B3GNT6: variants seen among roughly 807,000 people sequenced by gnomAD.
B3GNT6 encodes the protein UDP-GlcNAc:betaGal beta-1,3-N-acetylglucosaminyltransferase 6.
For synonymous variants in B3GNT6, 300 were observed against 270.0 expected (o/e 1.11, Z -1.09); for missense variants, 624 against 568.6 (o/e 1.10, Z -0.99).
chr11:77,039,440 G>A, intron 1 of B3GNT6, 112 bp from the exon 2 acceptor site: 4 of 1,492,360 alleles, frequency 2.7e-6, no homozygotes, highest in Non-Finnish European at 3.6e-6. Flanking sequence ...TAACAGCAGA[G>A]TTGAGAAGGG....
At chr11:77,036,344 A>T (rs1591088639) in intron 1 of B3GNT6, among the ~76,000 whole-genome samples, 1 of 152,302 alleles carries the variant, frequency 6.6e-6, no homozygotes, top group East Asian at 1.9e-4. Context: ...GCACTCAGTG[A>T]TTACATCCAC....
Position 77,041,228 on chromosome 11 carries a change from C to G in B3GNT6, c.*522C>G, listed in dbSNP as rs1555027985. Reference sequence around the variant, plus strand: ...CAGGTGGATCCCGCTTCCCCCTCCCCCAAGAAGTCAGCCAACACGCAGCTG... The same window carrying G: ...CAGGTGGATCCCGCTTCCCCCTCCCGCAAGAAGTCAGCCAACACGCAGCTG... On this transcript the variant is annotated 3_prime_UTR_variant, in exon 2 of 2. Coordinates refer to ENST00000622824, the MANE Select transcript of B3GNT6 (RefSeq NM_138706.5). 3.2e-5 allele frequency: 5 copies of G among 153,916 alleles called. No homozygotes were observed. The allele number at this position is 153,916 out of a possible 1,614,324, so 9.5% of individuals were successfully genotyped here. A position where few individuals can be genotyped will look rare whatever the true frequency, so the allele number is the denominator to read the frequency against.
chr11:77,040,551 G>A lies in B3GNT6; in HGVS notation c.1000G>A (p.Val334Met), dbSNP rs782486897. 1.3e-6 allele frequency: 2 copies of A among 1,579,658 alleles called. No individual in the cohort carries two copies. Among genetic ancestry groups the A allele is most frequent in the Admixed American group, 1.7e-5 (1 of 57,468 alleles). Reference protein sequence around the residue: ...SGHEGIRPFGVQLPGAQQSSF... With the variant: ...SGHEGIRPFGMQLPGAQQSSF... Reference sequence around the variant, plus strand: ...CCACGAGGGCATCCGACCCTTCGGCGTGCAGCTGCCTGGCGCACAGCAGTC... The same window carrying A: ...CCACGAGGGCATCCGACCCTTCGGCATGCAGCTGCCTGGCGCACAGCAGTC... Residue 334 changes from valine (V) to methionine (M), a missense_variant, in exon 2 of 2, where the codon GTG (valine) becomes ATG (methionine). Physicochemically the swap from Val to Met is conservative, Grantham distance 21. Coordinates refer to ENST00000622824, the MANE Select transcript of B3GNT6 (RefSeq NM_138706.5).
rs112854071 is a variant in B3GNT6, at chr11:77,040,101, G to A, written c.550G>A (p.Asp184Asn). ...LVALEAREHG[D>N]VLQWAFADTF... ...GGCGCTGGAGGCGCGCGAGCACGGC[G>A]ACGTGCTGCAGTGGGCCTTCGCGGA... Residue 184 changes from aspartate (D) to asparagine (N), a missense_variant, in exon 2 of 2, where the codon GAC becomes AAC. Coordinates refer to ENST00000622824, the MANE Select transcript of B3GNT6 (RefSeq NM_138706.5). 4 of 1,595,086 alleles carry A rather than the reference G, an allele frequency of 2.5e-6. No individual in the cohort carries two copies. In the Admixed American group the frequency reaches 5.0e-5, roughly 20 times the overall value.
Position 77,040,499 on chromosome 11 carries a change from G to T in B3GNT6, c.948G>T (p.Leu316=). ...ACGACGCCTACATGGGCATGTGTCT[G>T]GAGCGCGCCGGCCTGGCGCCCAGCG... The part of the protein sequence containing the change: ...PIDDAYMGMC[L]ERAGLAPSGH... Residue 316 remains leucine, a synonymous_variant, in exon 2 of 2, where the codon CTG becomes CTT. Transcript: ENST00000622824. 1 of 1,542,944 alleles carries T rather than the reference G, an allele frequency of 6.5e-7. No individual in the cohort carries two copies.
rs1424337717 is a variant in B3GNT6, at chr11:77,040,230, G to C, written c.679G>C (p.Val227Leu). The C allele has an allele frequency of 1.7e-5, 27 of 1,599,040 alleles. No individual in the cohort carries two copies. Among genetic ancestry groups the C allele is most frequent in the Non-Finnish European group, 2.3e-5 (27 of 1,179,446 alleles). ...GCTCAGCGGCGACGACGACGTGTTC[G>C]TGCACACCGCCAACGTAGTCCGCTT... ...FLLSGDDDVF[V>L]HTANVVRFLQ... The change falls in exon 2 of 2, where the codon GTG (valine) becomes CTG (leucine). Residue 227 changes from valine to leucine, a missense_variant. Physicochemically the swap from Val to Leu is conservative, Grantham distance 32 (BLOSUM62 1). Coordinates refer to ENST00000622824, the MANE Select transcript of B3GNT6 (RefSeq NM_138706.5).
rs1195178299 is a variant in B3GNT6 at position 77,039,964 on chromosome 11, G to A, written c.413G>A (p.Arg138His). The change falls in exon 2 of 2, where the codon CGC (arginine) becomes CAC (histidine). Residue 138 changes from arginine to histidine, a missense_variant. Coordinates refer to ENST00000622824, the MANE Select transcript of B3GNT6 (RefSeq NM_138706.5). ...EHYERRELIR[R>H]TWGQERSYGG... ...TACGAGCGACGCGAGCTCATCCGGC[G>A]CACGTGGGGGCAAGAGCGCAGCTAC... is the stretch of plus-strand genomic sequence containing the variant. 1 of 1,590,142 alleles carries A rather than the reference G, an allele frequency of 6.3e-7. No homozygotes were observed. Among genetic ancestry groups the A allele is most frequent in the Non-Finnish European group, 8.5e-7 (1 of 1,175,960 alleles).
intron 1 of B3GNT6, among the ~76,000 whole-genome samples, chr11:77,035,856 GT>G (rs1949629529): frequency 1.3e-5 from 2 of 152,142 alleles, no homozygotes; most frequent in Non-Finnish European, 1.5e-5. Flanking sequence ...TCTTCTATCC[GT>G]TTTATCAGAG....
chr11:77,034,658 TG>T (rs1434246600), intron 1 of B3GNT6, among the ~76,000 whole-genome samples, 180 bp downstream of exon 1: 21 of 152,272 alleles, frequency 1.4e-4, no homozygotes, highest in African/African-American at 5.1e-4. Context: ...GGATTCATGC[TG>T]GGGGTTGGGG....
intron 1 of B3GNT6, among the ~76,000 whole-genome samples, chr11:77,037,468 T>C (rs1591089208): frequency 6.6e-6 from 1 of 152,016 alleles, no homozygotes; most frequent in East Asian, 1.9e-4. Flanking sequence ...AAGGTGGCTG[T>C]GGACAGCCAT....
Position 77,041,201 on chromosome 11 carries a change from A to G in B3GNT6, c.*495A>G, listed in dbSNP as rs7950506. The G allele has an allele frequency of 0.76, 117,146 of 154,582 alleles. 45,072 individuals carry two copies. Among genetic ancestry groups the G allele is most frequent in the African/African-American group, 0.9 (37,442 of 41,648 alleles). 9.6% of individuals were successfully genotyped at this position (154,582 alleles called of 1,614,324 possible). A position where few individuals can be genotyped will look rare whatever the true frequency, so the allele number is the denominator to read the frequency against. ...GTGGAGCTGGAGCTGGGCTGACAGT[A>G]TCAGGTGGATCCCGCTTCCCCCTCC... On this transcript the variant is annotated 3_prime_UTR_variant, in exon 2 of 2. Coordinates refer to ENST00000622824, the MANE Select transcript of B3GNT6 (RefSeq NM_138706.5).
chr11:77,040,833 C>A lies in B3GNT6; in HGVS notation c.*127C>A. The A allele has an allele frequency of 1.5e-6, 2 of 1,372,104 alleles. No individual in the cohort carries two copies. The highest frequency in any genetic ancestry group is 1.9e-6 in the Non-Finnish European group (2 of 1,056,244). The allele number at this position is 1,372,104 out of a possible 1,614,324, so 85.0% of individuals were successfully genotyped here. Reference sequence around the variant, plus strand: ...CTGAACCCCAGCTGCGCACTGAAATCAGCTGGGGTGGGGGGTGTGGAAAAT... The same window carrying A: ...CTGAACCCCAGCTGCGCACTGAAATAAGCTGGGGTGGGGGGTGTGGAAAAT... On this transcript the variant is annotated 3_prime_UTR_variant, in exon 2 of 2. Transcript: ENST00000622824.
intron 1 of B3GNT6, among the ~76,000 whole-genome samples, chr11:77,036,970 G>C (rs782600183): frequency 2.0e-5 from 3 of 152,190 alleles, no homozygotes; most frequent in Non-Finnish European, 4.4e-5. Context: ...AGTGGACCCA[G>C]AGACTGAGTT....
chr11:77,039,608 G>C lies in B3GNT6; in HGVS notation c.57G>C (p.Val19=). The stretch of plus-strand genomic sequence containing the variant: ...CCAAGACTCTGGCCTGCCTCCTGGT[G>C]GGCGTGAGTTTCTTAGCACTGCAGC... ...LTAKTLACLL[V]GVSFLALQQW... The change falls in exon 2 of 2, where the codon GTG becomes GTC. Residue 19 remains valine, a synonymous_variant. Coordinates refer to ENST00000622824, the MANE Select transcript of B3GNT6 (RefSeq NM_138706.5). The C allele has an allele frequency of 6.2e-6, 10 of 1,610,506 alleles. No homozygotes were observed. The highest frequency in any genetic ancestry group is 8.5e-6 in the Non-Finnish European group (10 of 1,178,562).
intron 1 of B3GNT6, among the ~76,000 whole-genome samples, chr11:77,038,398 G>GAAAA (rs372967129): frequency 1.5e-5 from 2 of 131,312 alleles, no homozygotes; most frequent in Non-Finnish European, 3.2e-5. Flanking sequence ...CGTCTCTACA[G>GAAAA]AAAAAAAAAA....
rs782486897 is a variant in B3GNT6 at position 77,040,551 on chromosome 11, G to C, written c.1000G>C (p.Val334Leu). The C allele has an allele frequency of 7.0e-6, 11 of 1,579,542 alleles. No homozygotes were observed. The highest frequency in any genetic ancestry group is 1.3e-5 in the African/African-American group (1 of 74,350). ...CCACGAGGGCATCCGACCCTTCGGC[G>C]TGCAGCTGCCTGGCGCACAGCAGTC... The part of the protein sequence containing the change: ...SGHEGIRPFG[V>L]QLPGAQQSSF... The change falls in exon 2 of 2, where the codon GTG (valine) becomes CTG (leucine). Residue 334 changes from valine to leucine, a missense_variant. Coordinates refer to ENST00000622824, the MANE Select transcript of B3GNT6 (RefSeq NM_138706.5).
intron 1 of B3GNT6, among the ~76,000 whole-genome samples, chr11:77,037,000 G>A (rs745938554): frequency 2.6e-5 from 4 of 152,160 alleles, no homozygotes; most frequent in African/African-American, 4.8e-5. Flanking sequence ...ACAGAGCAGG[G>A]AGAGAGACAT....
In B3GNT6 at chr11:77,040,103, C is replaced by G. The variant is rs781821239; in HGVS notation, c.552C>G (p.Asp184Glu). The G allele has an allele frequency of 3.1e-6, 5 of 1,595,212 alleles. No individual in the cohort carries two copies. Among genetic ancestry groups the G allele is most frequent in the Non-Finnish European group, 3.4e-6 (4 of 1,178,128 alleles). The change falls in exon 2 of 2, where the codon GAC (aspartate) becomes GAG (glutamate). Residue 184 changes from aspartate to glutamate, a missense_variant. Transcript: ENST00000622824. The part of the protein sequence containing the change: ...LVALEAREHG[D>E]VLQWAFADTF... ...CGCTGGAGGCGCGCGAGCACGGCGA[C>G]GTGCTGCAGTGGGCCTTCGCGGACA...
At chr11:77,038,061 GAGGGGAT>G (rs1555027160) in intron 1 of B3GNT6, among the ~76,000 whole-genome samples, 2 of 618 alleles carry the variant, frequency 3.2e-3, no homozygotes, top group Non-Finnish European at 4.4e-3. Flanking sequence ...GAATGAGTGG[GAGGGGAT>G]GAGGGGGAGG....
Sources: allele counts gnomAD v4.1 joint callset (sites outside exome capture counted in the v4.1 genomes callset), GRCh38; gene constraint gnomAD v4.1.1; transcripts MANE v1.5; gene names NCBI Gene and HGNC (gene_info 2026-07-23, HGNC 2026-07-21).